CSMD1: variants seen among roughly 807,000 people sequenced by gnomAD.
CSMD1 encodes CUB and Sushi multiple domains 1.
A neutral mutation model predicts 417.5 loss-of-function variants in CSMD1; 213 were observed. The ratio of observed to expected loss-of-function variants is 0.51; its 90% confidence interval spans 0.46 to 0.57. CSMD1 has a LOEUF of 0.57. CSMD1 is among the 20% of genes least tolerant of loss of function. The pLI is 0.00. For synonymous variants in CSMD1, 2,862 were observed against 1,736.8 expected (o/e 1.65, Z -16.11); for missense variants, 6,923 against 4,529.7 (o/e 1.53, Z -15.17).
chr8:3,832,452 A>T (rs756532664), intron 5 of CSMD1, among the ~76,000 whole-genome samples: 1 of 152,200 alleles, frequency 6.6e-6, no homozygotes, highest in Non-Finnish European at 1.5e-5. Context: ...CGATTATGTA[A>T]GATAAGATTT....
intron 5 of CSMD1, among the ~76,000 whole-genome samples, chr8:3,954,555 G>A (rs1331544357): frequency 6.6e-6 from 1 of 152,168 alleles, no homozygotes; most frequent in East Asian, 1.9e-4. Flanking sequence ...TTTTAGTAGA[G>A]ACGGGGTTTC....
intron 6 of CSMD1, among the ~76,000 whole-genome samples, chr8:3,712,193 T>C (rs949622084): frequency 5.9e-5 from 9 of 152,264 alleles, no homozygotes; most frequent in African/African-American, 2.2e-4. Context: ...TCTGCTAATC[T>C]TGGCAACGTT....
intron 10 of CSMD1, among the ~76,000 whole-genome samples, chr8:3,515,554 G>A (rs1223058792): frequency 6.6e-6 from 1 of 152,182 alleles, no homozygotes; most frequent in African/African-American, 2.4e-5. Flanking sequence ...AGCAGGACAT[G>A]CTCTCCCATT....
At chr8:4,779,202 G>C in intron 1 of CSMD1, among the ~76,000 whole-genome samples, 1 of 152,266 alleles carries the variant, frequency 6.6e-6, no homozygotes. Context: ...ATGCTAACTG[G>C]TCTGATTAAT....
intron 2 of CSMD1, among the ~76,000 whole-genome samples, chr8:4,562,056 A>T (rs147291114): frequency 4.1e-4 from 62 of 152,364 alleles, no homozygotes; most frequent in African/African-American, 1.5e-3. Context: ...TGCAGCCAGC[A>T]AAGAGACGTC....
At chr8:4,530,792 A>T (rs1796774888) in intron 2 of CSMD1, among the ~76,000 whole-genome samples, 1 of 151,536 alleles carries the variant, frequency 6.6e-6, no homozygotes, top group Non-Finnish European at 1.5e-5. Flanking sequence ...TGACCCAGCA[A>T]TCCCATAGCC....
chr8:3,545,867 G>C (rs566495370), intron 10 of CSMD1, among the ~76,000 whole-genome samples: 1 of 152,346 alleles, frequency 6.6e-6, no homozygotes. Context: ...AAGTCAAGCA[G>C]TTGGTGCAAA....
chr8:3,637,244 A>G (rs538956445), intron 7 of CSMD1, among the ~76,000 whole-genome samples: 7 of 152,220 alleles, frequency 4.6e-5, no homozygotes, highest in Non-Finnish European at 5.9e-5. Flanking sequence ...TAATCAGAAT[A>G]ATCCTTACCT....
intron 11 of CSMD1, among the ~76,000 whole-genome samples, chr8:3,490,822 G>C (rs570329256): frequency 2.0e-5 from 3 of 152,132 alleles, no homozygotes; most frequent in East Asian, 3.9e-4. Context: ...CCAAAATATA[G>C]ATATCTGGGC....
In CSMD1 at chr8:3,594,258, T is replaced by C. The variant is rs1045193409; in HGVS notation, c.1098-7998A>G. ...ATTAATGAGCTGCTAGTGTAAGAGA[T>C]ACTTCATCAAACAGCTCTTGGTCAA... On this transcript the variant is annotated intron_variant, in intron 8 of 69. Coordinates refer to ENST00000635120, the MANE Select transcript of CSMD1 (RefSeq NM_033225.6). Among the ~76,000 whole-genome samples the C allele has an allele frequency of 9.2e-5, 14 of 152,290 alleles. No homozygotes were observed. In the East Asian group the frequency reaches 1.2e-3, roughly 13 times the overall value.
chr8:4,186,936 C>T (rs1022403378), intron 3 of CSMD1, among the ~76,000 whole-genome samples: 60 of 152,110 alleles, frequency 3.9e-4, no homozygotes, highest in Admixed American at 1.3e-3. Context: ...GCAGAGATTG[C>T]AGTGAGCTGC....
intron 7 of CSMD1, among the ~76,000 whole-genome samples, chr8:3,698,737 A>T (rs562330188): frequency 6.6e-6 from 1 of 152,244 alleles, no homozygotes; most frequent in African/African-American, 2.4e-5. Flanking sequence ...AGTAAAGAGG[A>T]TCATGTTCAT....
chr8:4,691,319 T>C (rs1196772723), intron 1 of CSMD1, among the ~76,000 whole-genome samples: 4 of 152,168 alleles, frequency 2.6e-5, no homozygotes. Context: ...TTTTCTTTCC[T>C]GATAACCTCT....
intron 2 of CSMD1, among the ~76,000 whole-genome samples, chr8:4,561,219 A>T (rs1371267576): frequency 6.6e-6 from 1 of 152,154 alleles, no homozygotes; most frequent in Non-Finnish European, 1.5e-5. Flanking sequence ...AAATACAAAA[A>T]AACAAACAGT....
chr8:4,625,500 A>G (rs753232653), intron 2 of CSMD1, among the ~76,000 whole-genome samples: 1 of 152,040 alleles, frequency 6.6e-6, no homozygotes, highest in Non-Finnish European at 1.5e-5. Context: ...ACCTTTGTAA[A>G]GCACATATGT....
At chr8:3,893,246 A>G (rs1040639534) in intron 5 of CSMD1, among the ~76,000 whole-genome samples, 1 of 149,522 alleles carries the variant, frequency 6.7e-6, no homozygotes, top group Non-Finnish European at 1.5e-5. Flanking sequence ...TCTTCTTCTT[A>G]TATTTGTAAT....
At chr8:3,288,603 T>A (rs1803325237) in intron 25 of CSMD1, among the ~76,000 whole-genome samples, 1 of 147,452 alleles carries the variant, frequency 6.8e-6, no homozygotes, top group Non-Finnish European at 1.5e-5. Context: ...GTTTATAGTA[T>A]TCTCTGATGG....
chr8:2,943,177 A>G (rs895650469), intron 68 of CSMD1, among the ~76,000 whole-genome samples: 5 of 152,230 alleles, frequency 3.3e-5, no homozygotes, highest in African/African-American at 1.2e-4. Context: ...AGTTTCCATG[A>G]AGACACAAAA....
chr8:3,451,934 C>G (rs1815749685), intron 12 of CSMD1, among the ~76,000 whole-genome samples: 2 of 152,192 alleles, frequency 1.3e-5, no homozygotes, highest in Admixed American at 1.3e-4. Flanking sequence ...GACATTGATT[C>G]TTCCTACCCA....
Sources: allele counts gnomAD v4.1 joint callset (sites outside exome capture counted in the v4.1 genomes callset), GRCh38; gene constraint gnomAD v4.1.1; transcripts MANE v1.5; gene names NCBI Gene and HGNC (gene_info 2026-07-23, HGNC 2026-07-21).